Variants in CDK1 observed in about 807,000 individuals in gnomAD.
CDK1 encodes cyclin dependent kinase 1.
In CDK1, 5 loss-of-function variants were observed where a neutral mutation model predicts 34.6. The observed-to-expected ratio is 0.14, with a 90% confidence interval of 0.08 to 0.30. CDK1 has a LOEUF of 0.30. CDK1 is among the 10% of genes least tolerant of loss of function. The pLI, the probability that CDK1 is intolerant of heterozygous loss-of-function variation, is 1.00. For missense variants in CDK1, 157 were observed against 345.7 expected (o/e 0.45, Z 4.33); for synonymous variants, 108 against 114.7 (o/e 0.94, Z 0.37).
At chr10:60,791,691 T>C (rs1157101785) in intron 5 of CDK1, among the ~76,000 whole-genome samples, 199 bp from the exon 6 acceptor site, 1 of 152,168 alleles carries the variant, frequency 6.6e-6, no homozygotes, top group Non-Finnish European at 1.5e-5. Context: ...TATGCTTTTA[T>C]CTGTTTTGTC....
chr10:60,781,350 A>C (rs753713183), intron 2 of CDK1, among the ~76,000 whole-genome samples: 4 of 152,196 alleles, frequency 2.6e-5, no homozygotes, highest in Non-Finnish European at 4.4e-5. Context: ...GTAATTTTAA[A>C]TTTAATCCAT....
intron 2 of CDK1, 74 bp from the exon 3 acceptor site, chr10:60,784,631 A>G: frequency 7.9e-7 from 1 of 1,272,034 alleles, no homozygotes. Flanking sequence ...CCCTGCCATA[A>G]GGAAAAAAAA....
chr10:60,781,369 T>G (rs1017062323), intron 2 of CDK1, among the ~76,000 whole-genome samples: 1 of 152,212 alleles, frequency 6.6e-6, no homozygotes, highest in Non-Finnish European at 1.5e-5. Context: ...ATTACATACA[T>G]GTAAGTCATA....
At chr10:60,785,637 C>T in intron 3 of CDK1, 27 bp from the exon 4 acceptor site, 2 of 1,323,172 alleles carry the variant, frequency 1.5e-6, no homozygotes, top group African/African-American at 1.5e-5. Context: ...TTGCTGGATT[C>T]TTCTCTCATA....
At position 60,785,035 on chromosome 10, in the gene CDK1, A is replaced by G. The variant is rs538986420; in HGVS notation, c.194+174A>G. 8.5e-5 allele frequency among the ~76,000 whole-genome samples: 13 copies of G among 152,340 alleles called. No homozygotes were observed. In the East Asian group the frequency reaches 2.5e-3, roughly 29 times the overall value. On this transcript the variant is annotated intron_variant, in intron 3 of 7. Coordinates refer to ENST00000395284, the MANE Select transcript of CDK1 (RefSeq NM_001786.5). ...CATATGTAAAAGAGAACAGGCTGTT[A>G]AAGCAGGAACAGAGTTGGAGGAGCT...
At chr10:60,790,097 T>A (rs1411110693) in intron 5 of CDK1, among the ~76,000 whole-genome samples, 1 of 152,088 alleles carries the variant, frequency 6.6e-6, no homozygotes, top group Non-Finnish European at 1.5e-5. Context: ...TTCTTACTAT[T>A]TTTTTTATTC....
At chr10:60,793,580 T>A (rs2080376268) in intron 7 of CDK1, among the ~76,000 whole-genome samples, 1 of 152,060 alleles carries the variant, frequency 6.6e-6, no homozygotes, top group African/African-American at 2.4e-5. Flanking sequence ...ACGTCTTTCC[T>A]ATATTTGTGT....
chr10:60,784,639 A>G (rs1022767420), intron 2 of CDK1, 66 bp from the exon 3 acceptor site: 7 of 1,413,102 alleles, frequency 5.0e-6, no homozygotes, highest in African/African-American at 2.9e-5. Flanking sequence ...TAAGGAAAAA[A>G]AAAAAGAAAA....
chr10:60,787,118 GT>G, intron 4 of CDK1: 1 of 966,302 alleles, frequency 1.0e-6, no homozygotes, highest in Non-Finnish European at 1.2e-6. Flanking sequence ...GGCAACAATG[GT>G]TTTACTTACA....
At chr10:60,788,475 G>A (rs1328644300) in intron 5 of CDK1, among the ~76,000 whole-genome samples, 3 of 151,972 alleles carry the variant, frequency 2.0e-5, no homozygotes, top group Non-Finnish European at 2.9e-5. Context: ...CATGGCAGGA[G>A]GAAGGAGTTT....
chr10:60,787,562 G>A (rs763031468), intron 4 of CDK1: 4 of 152,012 alleles, frequency 2.6e-5, no homozygotes, highest in East Asian at 1.9e-4. Context: ...GTCTTGTAAA[G>A]CACTTTTCTC....
At chr10:60,778,856 C>T (rs1462098890) in intron 1 of CDK1, among the ~76,000 whole-genome samples, 1 of 152,220 alleles carries the variant, frequency 6.6e-6, no homozygotes, top group Admixed American at 6.5e-5. Flanking sequence ...CGGCTGTTCT[C>T]AGGAACTGCC....
In CDK1 at chr10:60,785,799, A is replaced by G; in HGVS notation, c.318+12A>G. 1 of 1,580,706 alleles carries G rather than the reference A, an allele frequency of 6.3e-7. No individual in the cohort carries two copies. The highest frequency in any genetic ancestry group is 8.6e-7 in the Non-Finnish European group (1 of 1,160,900). On this transcript the variant is annotated intron_variant, in intron 4 of 7. Coordinates refer to ENST00000395284, the MANE Select transcript of CDK1 (RefSeq NM_001786.5). Reference sequence around the variant, plus strand: ...CTTCACTTGTTAAGGTAAAAGCTTAACTAATTTTATTAATATTTATGCACT... The same window carrying G: ...CTTCACTTGTTAAGGTAAAAGCTTAGCTAATTTTATTAATATTTATGCACT...
chr10:60,780,839 C>T (rs969658189), intron 2 of CDK1, among the ~76,000 whole-genome samples: 1 of 151,966 alleles, frequency 6.6e-6, no homozygotes, highest in African/African-American at 2.4e-5. Flanking sequence ...AGAACATTCT[C>T]GATTCTCCAG....
chr10:60,788,055 T>C lies in CDK1; in HGVS notation c.319-5T>C. 2 of 1,365,804 alleles carry C rather than the reference T, an allele frequency of 1.5e-6. No homozygotes were observed. The allele number at this position is 1,365,804 out of a possible 1,614,324, so 84.6% of individuals were successfully genotyped here. A position where few individuals can be genotyped will look rare whatever the true frequency, so the allele number is the denominator to read the frequency against. On this transcript the variant is annotated splice_polypyrimidine_tract_variant and splice_region_variant and intron_variant, in intron 4 of 7. Coordinates refer to ENST00000395284, the MANE Select transcript of CDK1 (RefSeq NM_001786.5). The stretch of plus-strand genomic sequence containing the variant: ...AAGTTTCTAACTTTTACTTGCTTTT[T>C]CCAGAGTTATTTATACCAAATCCTA...
intron 2 of CDK1, 50 bp from the exon 3 acceptor site, chr10:60,784,655 T>G: frequency 6.9e-7 from 1 of 1,447,778 alleles, no homozygotes; most frequent in Non-Finnish European, 9.4e-7. Context: ...GAAAAAAAGA[T>G]CTTTAGTTTG....
chr10:60,784,645 G>T (rs2080300303), intron 2 of CDK1, 60 bp from the exon 3 acceptor site: 2 of 1,359,770 alleles, frequency 1.5e-6, no homozygotes, highest in African/African-American at 1.5e-5. Context: ...AAAAAAAAAA[G>T]AAAAAAAGAT....
At chr10:60,782,629 T>G (rs577880421) in intron 2 of CDK1, among the ~76,000 whole-genome samples, 3 of 152,290 alleles carry the variant, frequency 2.0e-5, no homozygotes, top group East Asian at 3.9e-4. Context: ...CTACATATTT[T>G]TCTTTTGTTT....
chr10:60,788,210 A>C lies in CDK1; in HGVS notation c.469A>C (p.Ile157Leu). ...FGLARAFGIP[I>L]RVYTHEVVTL... ...CCTTGCCAGAGCTTTTGGAATACCT[A>C]TCAGAGTATATACACATGAGGCAAG... The change falls in exon 5 of 8, where the codon ATC (isoleucine) becomes CTC (leucine). Residue 157 changes from isoleucine to leucine, a missense_variant. By Grantham distance (5) the Ile-to-Leu change is conservative (BLOSUM62 2). Transcript: ENST00000395284. 6.2e-7 allele frequency: 1 copy of C among 1,610,642 alleles called. No homozygotes were observed. The highest frequency in any genetic ancestry group is 1.7e-4 in the Middle Eastern group (1 of 6,044).
Sources: gnomAD v4.1 joint callset for allele counts (sites outside exome capture counted in the v4.1 genomes callset) on GRCh38, gnomAD v4.1.1 for gene constraint, MANE v1.5 for transcripts, NCBI Gene and HGNC (gene_info 2026-07-23, HGNC 2026-07-21) for gene names.